The following SLC25A40 variants were observed in gnomAD, a reference collection of about 807,000 sequenced individuals.
The protein encoded by SLC25A40 is solute carrier family 25 member 40.
SLC25A40 carries 41 observed loss-of-function variants against 46.5 expected under a neutral mutation model. The observed-to-expected ratio is 0.88, with a 90% CI of 0.69 to 1.14. The LOEUF (loss-of-function observed/expected upper bound fraction) is 1.14. SLC25A40 is among the 50% of genes most tolerant of loss of function. The probability of loss-of-function intolerance (pLI) is 0.00; values close to 1 mark genes in which losing one functional copy is unlikely to be tolerated. For missense variants in SLC25A40, 386 were observed against 393.6 expected (o/e 0.98, Z 0.16); for synonymous variants, 126 against 127.5 (o/e 0.99, Z 0.08).
At chr7:87,848,106 A>G in intron 6 of SLC25A40, 129 bp from the exon 7 acceptor site, 1 of 1,029,418 alleles carries the variant, frequency 9.7e-7, no homozygotes, top group East Asian at 3.0e-5. Flanking sequence ...ACTACAATAA[A>G]TCAGCCTATG....
intron 1 of SLC25A40, among the ~76,000 whole-genome samples, chr7:87,869,342 G>A (rs1382336607): frequency 6.6e-6 from 1 of 152,028 alleles, no homozygotes; most frequent in African/African-American, 2.4e-5. Flanking sequence ...CCTGGGCAAT[G>A]TGGTGAAACT....
chr7:87,848,129 CT>C, intron 6 of SLC25A40, 152 bp from the exon 7 acceptor site: 1 of 868,372 alleles, frequency 1.2e-6, no homozygotes, highest in Non-Finnish European at 1.6e-6. Context: ...ATCAATTTTT[CT>C]TTTAGTTTAA....
chr7:87,856,478 T>A lies in SLC25A40; in HGVS notation c.98-127A>T, dbSNP rs918597151. ...GCTATATAATTGGTAAGCTTATTTA[T>A]CTTAAAGTAGTCTTGAATGTAACAT... On this transcript the variant is annotated intron_variant, in intron 3 of 11. Transcript: ENST00000341119. 6.4e-5 allele frequency: 53 copies of A among 824,540 alleles called. 1 individual carries two copies. Among genetic ancestry groups the A allele is most frequent in the South Asian group, 1.9e-4 (14 of 72,316 alleles). 51.1% of individuals were successfully genotyped at this position (824,540 alleles called of 1,614,324 possible).
At chr7:87,845,037 C>T (rs1295970332) in intron 8 of SLC25A40, among the ~76,000 whole-genome samples, 1 of 151,998 alleles carries the variant, frequency 6.6e-6, no homozygotes, top group Admixed American at 6.6e-5. Flanking sequence ...TTACTAGAGC[C>T]CTGTAGATAG....
At chr7:87,852,540 G>A (rs1220637867) in intron 5 of SLC25A40, among the ~76,000 whole-genome samples, 1 of 152,164 alleles carries the variant, frequency 6.6e-6, no homozygotes, top group East Asian at 1.9e-4. Context: ...CTGCACTCCA[G>A]CCTAGGTGAC....
chr7:87,874,154 T>C (rs1838937917), intron 1 of SLC25A40, among the ~76,000 whole-genome samples: 1 of 152,228 alleles, frequency 6.6e-6, no homozygotes, highest in South Asian at 2.1e-4. Context: ...AATTACTAAC[T>C]ATTGCATAAA....
chr7:87,848,447 C>A (rs1409349483), intron 6 of SLC25A40, among the ~76,000 whole-genome samples: 1 of 152,074 alleles, frequency 6.6e-6, no homozygotes, highest in African/African-American at 2.4e-5. Flanking sequence ...TAGGAAAAGA[C>A]AAATTAAGAC....
chr7:87,847,952 T>C lies in SLC25A40; in HGVS notation c.358A>G (p.Ile120Val), dbSNP rs767576819. The change falls in exon 7 of 12, where the codon ATT becomes GTT. Residue 120 changes from isoleucine (I) to valine (V), a missense_variant. By Grantham distance (29) the Ile-to-Val change is conservative (BLOSUM62 3). Transcript: ENST00000341119. ...AATTGATCATAGCAGGTAAAATAAATAACTGTGGCAGGAACTGCCATCACT... is the reference window on the plus strand; with the variant it reads ...AATTGATCATAGCAGGTAAAATAAACAACTGTGGCAGGAACTGCCATCACT... ...TLVMAVPATV[I>V]YFTCYDQLSA... 1.2e-6 allele frequency: 2 copies of C among 1,607,368 alleles called. No individual in the cohort carries two copies. Among genetic ancestry groups the C allele is most frequent in the Non-Finnish European group, 1.7e-6 (2 of 1,177,880 alleles).
chr7:87,872,302 T>C (rs1443391286), intron 1 of SLC25A40, among the ~76,000 whole-genome samples: 1 of 152,176 alleles, frequency 6.6e-6, no homozygotes, highest in African/African-American at 2.4e-5. Context: ...CATGCTTGTA[T>C]TAGAGAAGGC....
intron 1 of SLC25A40, among the ~76,000 whole-genome samples, chr7:87,865,997 C>T (rs1302200010): frequency 1.3e-5 from 2 of 151,638 alleles, no homozygotes; most frequent in African/African-American, 4.9e-5. Context: ...GTGGGAGGAT[C>T]GCTTGAGCCC....
chr7:87,848,055 T>C, intron 6 of SLC25A40, 78 bp from the exon 7 acceptor site: 1 of 1,457,002 alleles, frequency 6.9e-7, no homozygotes, highest in East Asian at 2.5e-5. Flanking sequence ...CAAATATTAT[T>C]ATATAAGCTA....
intron 4 of SLC25A40, among the ~76,000 whole-genome samples, 160 bp downstream of exon 4, chr7:87,856,131 CA>C (rs1838609823): frequency 6.6e-6 from 1 of 151,564 alleles, no homozygotes; most frequent in Non-Finnish European, 1.5e-5. Flanking sequence ...TTTTTGCCTA[CA>C]CCTCATCACG....
intron 1 of SLC25A40, among the ~76,000 whole-genome samples, chr7:87,863,309 G>C (rs1376541805): frequency 6.6e-6 from 1 of 151,956 alleles, no homozygotes; most frequent in African/African-American, 2.4e-5. Context: ...TTTAATCATG[G>C]AGGTGGTTAC....
chr7:87,870,080 T>C (rs1838872700), intron 1 of SLC25A40, among the ~76,000 whole-genome samples: 1 of 152,010 alleles, frequency 6.6e-6, no homozygotes, highest in Admixed American at 6.6e-5. Flanking sequence ...TATATCTTCT[T>C]TGGAGAAATA....
At chr7:87,846,752 A>T (rs535453030) in intron 8 of SLC25A40, among the ~76,000 whole-genome samples, 197 bp downstream of exon 8, 1 of 152,316 alleles carries the variant, frequency 6.6e-6, no homozygotes, top group East Asian at 1.9e-4. Flanking sequence ...AAGGAAAAAA[A>T]AACAAGCTTG....
At position 87,836,325 on chromosome 7, in the gene SLC25A40, C is replaced by G. The variant is rs1000161306; in HGVS notation, c.941G>C (p.Cys314Ser). 6 of 1,557,904 alleles carry G rather than the reference C, an allele frequency of 3.9e-6. No individual in the cohort carries two copies. The highest frequency in any genetic ancestry group is 1.4e-5 in the African/African-American group (1 of 71,266). The change falls in exon 12 of 12, where the codon TGT (cysteine) becomes TCT (serine). Residue 314 changes from cysteine (C) to serine (S), a missense_variant. Physicochemically the swap from Cys to Ser is moderately radical, Grantham distance 112. Transcript: ENST00000341119. ...IPRLIKIAPA[C>S]AIMISTYEFG... Reference sequence around the variant, plus strand: ...TTCATATGTACTGATCATAATGGCACAAGCAGGAGCAATTTTAATTAAGCG... The same window carrying G: ...TTCATATGTACTGATCATAATGGCAGAAGCAGGAGCAATTTTAATTAAGCG...
rs954627726 is a variant in SLC25A40, at chr7:87,834,150, T to C, written c.*2099A>G. The C allele has an allele frequency of 5.3e-5, 8 of 152,020 alleles. No individual in the cohort carries two copies. Among genetic ancestry groups the C allele is most frequent in the African/African-American group, 1.9e-4 (8 of 41,522 alleles). 9.4% of individuals were successfully genotyped at this position (152,020 alleles called of 1,614,324 possible). On this transcript the variant is annotated 3_prime_UTR_variant, in exon 12 of 12. Coordinates refer to ENST00000341119, the MANE Select transcript of SLC25A40 (RefSeq NM_018843.4). ...ATATTGCAATTCCTGCAACATCATA[T>C]GTATTGAAAAGTCTGGAAAGCCCAT... is the stretch of plus-strand genomic sequence containing the variant.
chr7:87,859,836 AT>A (rs201668158), intron 2 of SLC25A40, among the ~76,000 whole-genome samples: 1,604 of 152,252 alleles, frequency 0.011, 34 homozygotes, highest in African/African-American at 0.036. Flanking sequence ...ACATATATAT[AT>A]TTTTGTAACC....
At chr7:87,854,485 G>T (rs896487059) in intron 4 of SLC25A40, among the ~76,000 whole-genome samples, 175 bp from the exon 5 acceptor site, 1 of 152,140 alleles carries the variant, frequency 6.6e-6, no homozygotes, top group African/African-American at 2.4e-5. Context: ...AAATTAATTT[G>T]ATTTGCTTAA....
Sources: gnomAD v4.1 joint callset for allele counts (sites outside exome capture counted in the v4.1 genomes callset) on GRCh38, gnomAD v4.1.1 for gene constraint, MANE v1.5 for transcripts, NCBI Gene and HGNC (gene_info 2026-07-23, HGNC 2026-07-21) for gene names.